Variants in GPHN observed in about 807,000 individuals in gnomAD.
GPHN encodes the protein gephyrin.
A neutral mutation model predicts 95.5 loss-of-function variants in GPHN; 17 were observed. The ratio of observed to expected loss-of-function variants is 0.18; its 90% CI spans 0.12 to 0.27. GPHN has a LOEUF of 0.27. GPHN is among the 10% of genes least tolerant of loss of function. The pLI is 1.00. For synonymous variants in GPHN, 320 were observed against 322.5 expected (o/e 0.99, Z 0.08); for missense variants, 660 against 978.1 (o/e 0.67, Z 4.34).
intron 1 of GPHN, among the ~76,000 whole-genome samples, chr14:66,521,911 T>A (rs1227615448): frequency 6.6e-6 from 1 of 152,148 alleles, no homozygotes; most frequent in Non-Finnish European, 1.5e-5. Flanking sequence ...CAACTTTTTT[T>A]TTAGAGGGTC....
At chr14:67,130,164 A>G (rs995502434) in intron 17 of GPHN, among the ~76,000 whole-genome samples, 1 of 152,102 alleles carries the variant, frequency 6.6e-6, no homozygotes, top group Non-Finnish European at 1.5e-5. Flanking sequence ...GGTTTGTTAC[A>G]TGGGTATTTT....
the GPHN span, among the ~76,000 whole-genome samples, chr14:67,307,185 C>T: frequency 6.6e-6 from 1 of 152,152 alleles, no homozygotes; most frequent in Non-Finnish European, 1.5e-5. Context: ...GAGTAACTGG[C>T]ACATTTGATC....
chr14:67,201,135 C>T, the GPHN span, among the ~76,000 whole-genome samples: 6 of 152,228 alleles, frequency 3.9e-5, no homozygotes, highest in African/African-American at 1.2e-4. Flanking sequence ...TCTAAAAACA[C>T]TTTTAAAAAT....
intron 1 of GPHN, among the ~76,000 whole-genome samples, chr14:66,546,019 C>T (rs1376547122): frequency 3.4e-5 from 5 of 146,366 alleles, no homozygotes; most frequent in South Asian, 4.4e-4. Context: ...TCAGACGGGG[C>T]GGCCGGGCAG....
At chr14:66,560,526 A>G (rs969188450) in intron 1 of GPHN, among the ~76,000 whole-genome samples, 17 of 152,140 alleles carry the variant, frequency 1.1e-4, no homozygotes, top group Middle Eastern at 3.4e-3. Context: ...TTCACTCATG[A>G]TTTGGCTCTC....
At chr14:67,465,106 C>T in the GPHN span, among the ~76,000 whole-genome samples, 1 of 152,238 alleles carries the variant, frequency 6.6e-6, no homozygotes, top group Non-Finnish European at 1.5e-5. Flanking sequence ...GCTGCGTTGA[C>T]AACACTGGAA....
chr14:66,932,454 T>TTTTTTG (rs1567118360), intron 8 of GPHN, among the ~76,000 whole-genome samples: 1 of 109,798 alleles, frequency 9.1e-6, no homozygotes, highest in Non-Finnish European at 2.0e-5. Flanking sequence ...GTTTTTTTTT[T>TTTTTTG]TTTTTTTTTT....
Position 67,181,333 on chromosome 14 carries a change from G to A in GPHN, c.*396G>A. On this transcript the variant is annotated 3_prime_UTR_variant, in exon 23 of 23. Coordinates refer to ENST00000478722, the MANE Select transcript of GPHN (RefSeq NM_020806.5). ...ATTTATACTAGCGTAGGCAACACTT[G>A]GATTTCCCTTCTTAGTATGCTTCAT... 4.6e-6 allele frequency: 2 copies of A among 431,154 alleles called. No individual in the cohort carries two copies. The highest frequency in any genetic ancestry group is 2.1e-5 in the South Asian group (1 of 46,974). 26.7% of individuals were successfully genotyped at this position (431,154 alleles called of 1,614,324 possible).
rs367794806 is a variant in GPHN, at chr14:67,095,507, T to G, written c.1238-5349T>G. Among the ~76,000 whole-genome samples, 97 of 152,224 alleles carry G rather than the reference T, an allele frequency of 6.4e-4. 2 individuals carry two copies. Among genetic ancestry groups the G allele is most frequent in the Admixed American group, 1.9e-3 (29 of 15,298 alleles). The stretch of plus-strand genomic sequence containing the variant: ...ATGTTTATTGTGGCACTATTCACAA[T>G]AGCAAAGACTTGGAACCAAGCCAAA... On this transcript the variant is annotated intron_variant, in intron 12 of 22. Transcript: ENST00000478722.
intron 9 of GPHN, among the ~76,000 whole-genome samples, chr14:67,006,930 T>C (rs2072650919): frequency 6.6e-6 from 1 of 152,204 alleles, no homozygotes; most frequent in East Asian, 1.9e-4. Context: ...TATTATACAA[T>C]TTCACAGCCT....
At chr14:66,588,617 A>T (rs1191559130) in intron 1 of GPHN, among the ~76,000 whole-genome samples, 1 of 152,112 alleles carries the variant, frequency 6.6e-6, no homozygotes, top group East Asian at 1.9e-4. Flanking sequence ...CGAATCGATC[A>T]AGCGGAAGAA....
chr14:66,956,973 G>T, intron 8 of GPHN, among the ~76,000 whole-genome samples: 1 of 111,370 alleles, frequency 9.0e-6, no homozygotes, highest in East Asian at 3.2e-4. Context: ...GTGGGGTGGG[G>T]GGAGGGGGGA....
rs551211797 is a variant in GPHN, at chr14:67,175,345, T to C, written c.2080-4233T>C. ...TTTAATAAATAGGGAATCCTTTCCCTGTTGCTTGTTTTTGTCAGGTTTGTC... is the reference window on the plus strand; with the variant it reads ...TTTAATAAATAGGGAATCCTTTCCCCGTTGCTTGTTTTTGTCAGGTTTGTC... On this transcript the variant is annotated intron_variant, in intron 21 of 22. Transcript: ENST00000478722. Among the ~76,000 whole-genome samples the C allele has an allele frequency of 9.8e-3, 1,499 of 152,280 alleles. 11 individuals carry two copies. Among genetic ancestry groups the C allele is most frequent in the Admixed American group, 0.017 (254 of 15,292 alleles).
chr14:67,695,809 G>T, the GPHN span: 2 of 1,058,184 alleles, frequency 1.9e-6, no homozygotes, highest in Non-Finnish European at 2.8e-6. Flanking sequence ...AGCCCGGGGA[G>T]CAGACCTTCT....
chr14:66,834,591 C>A (rs892853673), intron 4 of GPHN, among the ~76,000 whole-genome samples: 7 of 151,220 alleles, frequency 4.6e-5, no homozygotes, highest in African/African-American at 1.7e-4. Context: ...AGCCTTGCAT[C>A]CCAGGGATGA....
the GPHN span, among the ~76,000 whole-genome samples, chr14:67,590,510 C>A: frequency 6.6e-6 from 1 of 152,168 alleles, no homozygotes; most frequent in Non-Finnish European, 1.5e-5. Flanking sequence ...AGGCACGAAC[C>A]ACCATGCCCA....
chr14:66,950,801 A>T (rs1438124593), intron 8 of GPHN, among the ~76,000 whole-genome samples: 3 of 152,122 alleles, frequency 2.0e-5, no homozygotes, highest in Admixed American at 2.0e-4. Flanking sequence ...ATTTTTATTT[A>T]CCCTCACACT....
At chr14:67,489,600 T>C in the GPHN span, among the ~76,000 whole-genome samples, 2 of 152,182 alleles carry the variant, frequency 1.3e-5, no homozygotes, top group African/African-American at 2.4e-5. Flanking sequence ...CTCACTCCTT[T>C]GCGATGCCGT....
At chr14:67,035,410 A>C (rs1451814110) in intron 10 of GPHN, among the ~76,000 whole-genome samples, 1 of 151,888 alleles carries the variant, frequency 6.6e-6, no homozygotes, top group East Asian at 1.9e-4. Context: ...AATAAACAAA[A>C]TAGAGAATAA....
Sources: gnomAD v4.1 joint callset for allele counts (sites outside exome capture counted in the v4.1 genomes callset) on GRCh38, gnomAD v4.1.1 for gene constraint, MANE v1.5 for transcripts, NCBI Gene and HGNC (gene_info 2026-07-23, HGNC 2026-07-21) for gene names.